The following ACAA1 variants were observed in gnomAD, a reference collection of about 807,000 sequenced individuals.
ACAA1 encodes acetyl-CoA acyltransferase 1.
A neutral mutation model predicts 48.8 loss-of-function variants in ACAA1; 44 were observed. The ratio of observed to expected loss-of-function variants is 0.90; its 90% confidence interval spans 0.71 to 1.16. The LOEUF (loss-of-function observed/expected upper bound fraction) is 1.16. ACAA1 is among the 50% of genes most tolerant of loss of function. The pLI is 0.00. For synonymous variants in ACAA1, 233 were observed against 226.5 expected, an observed-to-expected ratio of 1.03 and a Z score of -0.26; for missense variants, 512 against 562.3, an observed-to-expected ratio of 0.91 and a Z score of 0.90.
At position 38,122,833 on chromosome 3, in the gene ACAA1, TA is replaced by T; in HGVS notation, c.*213del. The T allele has an allele frequency of 1.2e-6, 1 of 826,954 alleles. No homozygotes were observed. Among genetic ancestry groups the T allele is most frequent in the Non-Finnish European group, 1.8e-6 (1 of 546,938 alleles). The allele number at this position is 826,954 out of a possible 1,614,324, so 51.2% of individuals were successfully genotyped here. A position where few individuals can be genotyped will look rare whatever the true frequency, so the allele number is the denominator to read the frequency against. ...CCAGGCTGCTTTTATCTTGCACAGC[TA>T]AAGAGGGTCTGATGGGTGGCTCAAC... On this transcript the variant is annotated 3_prime_UTR_variant, in exon 12 of 12. Coordinates refer to ENST00000333167, the MANE Select transcript of ACAA1 (RefSeq NM_001607.4).
rs1226799204 is a variant in ACAA1, at chr3:38,126,567, T to C, written c.760A>G (p.Met254Val). 6.2e-7 allele frequency: 1 copy of C among 1,614,172 alleles called. No individual in the cohort carries two copies. The highest frequency in any genetic ancestry group is 8.5e-7 in the Non-Finnish European group (1 of 1,180,030). ...QDEGIRPSTT[M>V]EGLAKLKPAF... ...GGCTTCAGTTTGGCCAGGCCCTCCA[T>C]GGTGGTGCTGGGGCGGATACCCTCA... The change falls in exon 8 of 12, where the codon ATG (methionine) becomes GTG (valine). Residue 254 changes from methionine to valine, a missense_variant. By Grantham distance (21) the Met-to-Val change is conservative. Coordinates refer to ENST00000333167, the MANE Select transcript of ACAA1 (RefSeq NM_001607.4). The surrounding 1 kb of genome is among the most constrained non-coding windows in gnomAD (Gnocchi z 4.7).
intron 2 of ACAA1, among the ~76,000 whole-genome samples, 192 bp downstream of exon 2, chr3:38,136,400 G>A (rs1478000881): frequency 6.6e-6 from 1 of 152,192 alleles, no homozygotes; most frequent in African/African-American, 2.4e-5. Context: ...TTGTCTCTGC[G>A]TCTTATTTCT....
intron 4 of ACAA1, 136 bp from the exon 5 acceptor site, chr3:38,131,774 A>G (rs2125769241): frequency 7.9e-7 from 1 of 1,273,710 alleles, no homozygotes; most frequent in Non-Finnish European, 1.1e-6. Context: ...AGTGTTCAGA[A>G]AAGGCTTTGG....
chr3:38,131,909 AC>A lies in ACAA1; in HGVS notation c.403+16del. 6.2e-7 allele frequency: 1 copy of A among 1,609,856 alleles called. No homozygotes were observed. The highest frequency in any genetic ancestry group is 8.5e-7 in the Non-Finnish European group (1 of 1,176,344). ...CCACAGGTCCAGGACCAAGGCACCC[AC>A]CCAGTCATAACTTACCTGCTATGCT... On this transcript the variant is annotated intron_variant, in intron 4 of 11. Transcript: ENST00000333167.
rs201538385 is a variant in ACAA1 at position 38,131,902 on chromosome 3, G to C, written c.403+24C>G. 37 of 1,605,670 alleles carry C rather than the reference G, an allele frequency of 2.3e-5. No homozygotes were observed. The Admixed American group carries it at 5.7e-4, about 25-fold the overall frequency. On this transcript the variant is annotated intron_variant, in intron 4 of 11. Coordinates refer to ENST00000333167, the MANE Select transcript of ACAA1 (RefSeq NM_001607.4). ...CCCAAACCCACAGGTCCAGGACCAA[G>C]GCACCCACCCAGTCATAACTTACCT...
At chr3:38,131,268 A>T (rs1438678016) in intron 5 of ACAA1, among the ~76,000 whole-genome samples, 2 of 152,242 alleles carry the variant, frequency 1.3e-5, no homozygotes, top group Non-Finnish European at 2.9e-5. Context: ...TCTCAGCAGC[A>T]TCATGAATCA....
chr3:38,131,786 C>A, intron 4 of ACAA1, 140 bp downstream of exon 4: 1 of 1,215,586 alleles, frequency 8.2e-7, no homozygotes. Context: ...AGGCTTTGGG[C>A]AGTGGTAGGG....
At chr3:38,131,875 G>C (rs1700796208) in intron 4 of ACAA1, 51 bp downstream of exon 4, 1 of 1,545,130 alleles carries the variant, frequency 6.5e-7, no homozygotes, top group South Asian at 1.1e-5. Flanking sequence ...CGACTTTGCT[G>C]ACCCAAACCC....
chr3:38,128,919 T>A (rs1700732821), intron 6 of ACAA1, among the ~76,000 whole-genome samples: 1 of 152,182 alleles, frequency 6.6e-6, no homozygotes, highest in Non-Finnish European at 1.5e-5. Context: ...TTGTTGCACC[T>A]GACAGGGCCC....
At chr3:38,127,918 A>T (rs1345582299) in intron 6 of ACAA1, 52 bp from the exon 7 acceptor site, 2 of 1,586,788 alleles carry the variant, frequency 1.3e-6, no homozygotes, top group Non-Finnish European at 1.7e-6. Context: ...GCCTAGAGGA[A>T]GGGACCAGGC....
At position 38,129,475 on chromosome 3, in the gene ACAA1, T is replaced by TC; in HGVS notation, c.447-88_447-87insG. 4 of 1,098,880 alleles carry TC rather than the reference T, an allele frequency of 3.6e-6. No homozygotes were observed. The highest frequency in any genetic ancestry group is 2.7e-6 in the Non-Finnish European group (2 of 745,944). The allele number at this position is 1,098,880 out of a possible 1,614,324, so 68.1% of individuals were successfully genotyped here. On this transcript the variant is annotated intron_variant, in intron 5 of 11. Coordinates refer to ENST00000333167, the MANE Select transcript of ACAA1 (RefSeq NM_001607.4). The surrounding 1 kb of genome is among the most constrained non-coding windows in gnomAD (Gnocchi z 5.3). ...AGATAGCTGAACACTTGGCAAGTGC[T>TC]AGGAAATAGCCAGGGAGCCCTAGGA...
In ACAA1 at chr3:38,129,505, C is replaced by A. The variant is rs28370896; in HGVS notation, c.447-117G>T. 1,346 of 773,206 alleles carry A rather than the reference C, an allele frequency of 1.7e-3. 13 individuals are homozygous for A. In the African/African-American group the frequency reaches 0.021, roughly 12 times the overall value. 47.9% of individuals were successfully genotyped at this position (773,206 alleles called of 1,614,324 possible). A position where few individuals can be genotyped will look rare whatever the true frequency, so the allele number is the denominator to read the frequency against. ...AATAGCCAGGGAGCCCTAGGAAGAC[C>A]AGTGGGCCTCTGGGAGTCACAGGCA... On this transcript the variant is annotated intron_variant, in intron 5 of 11. Transcript: ENST00000333167. The surrounding 1 kb of genome is among the most constrained non-coding windows in gnomAD (Gnocchi z 5.3).
At chr3:38,136,553 C>G in intron 2 of ACAA1, 39 bp downstream of exon 2, 1 of 1,609,918 alleles carries the variant, frequency 6.2e-7, no homozygotes, top group Non-Finnish European at 8.5e-7. Context: ...AACGGAAGAA[C>G]GGGGAAGGCC....
At position 38,137,009 on chromosome 3, in the gene ACAA1, G is replaced by A. The variant is rs531794979; in HGVS notation, c.27C>T (p.Gly9=). The change falls in exon 1 of 12, where the codon GGC becomes GGT. Residue 9 remains glycine, a synonymous_variant. Coordinates refer to ENST00000333167, the MANE Select transcript of ACAA1 (RefSeq NM_001607.4). MQRLQVVL[G]HLRGPADSGW... is the part of the protein sequence containing the mutation. ...CGGAATCGGCCGGACCCCTCAGGTG[G>A]CCCAGCACTACCTGCAGCCTCTGCA... The A allele has an allele frequency of 7.0e-6, 11 of 1,566,882 alleles. No homozygotes were observed. Among genetic ancestry groups the A allele is most frequent in the South Asian group, 2.3e-5 (2 of 85,298 alleles).
At chr3:38,136,302 T>C (rs1414405093) in intron 2 of ACAA1, among the ~76,000 whole-genome samples, 1 of 151,882 alleles carries the variant, frequency 6.6e-6, no homozygotes, top group Non-Finnish European at 1.5e-5. Flanking sequence ...ACTGCCGCAC[T>C]CCCCTTGCCG....
At chr3:38,134,402 T>C (rs1472801942) in intron 2 of ACAA1, 4 of 427,566 alleles carry the variant, frequency 9.4e-6, no homozygotes, top group Non-Finnish European at 1.9e-5. Context: ...AGGGGTGGCA[T>C]CCGCTGGATA....
chr3:38,126,057 A>G lies in ACAA1; in HGVS notation c.997+105T>C. The G allele has an allele frequency of 6.8e-7, 1 of 1,470,158 alleles. No individual in the cohort carries two copies. Among genetic ancestry groups the G allele is most frequent in the Non-Finnish European group, 9.3e-7 (1 of 1,074,352 alleles). The allele number at this position is 1,470,158 out of a possible 1,614,324, so 91.1% of individuals were successfully genotyped here. A position where few individuals can be genotyped will look rare whatever the true frequency, so the allele number is the denominator to read the frequency against. On this transcript the variant is annotated intron_variant, in intron 9 of 11. Transcript: ENST00000333167. This position sits in a 1 kb window ranked among gnomAD's most constrained non-coding sequence, Gnocchi z 4.7. ...TGGGACACTAGCCTGCCCCACCTCC[A>G]CTCTGCAGCACCCACAGGACCACCC...
chr3:38,134,421 GC>G, intron 2 of ACAA1: 1 of 450,520 alleles, frequency 2.2e-6, no homozygotes, highest in Admixed American at 2.5e-5. Flanking sequence ...TAAGACTCTT[GC>G]CATATCATAT....
chr3:38,126,868 TCA>T lies in ACAA1; in HGVS notation c.627-170_627-169del, dbSNP rs1700693658. On this transcript the variant is annotated intron_variant, in intron 7 of 11. Coordinates refer to ENST00000333167, the MANE Select transcript of ACAA1 (RefSeq NM_001607.4). This position sits in a 1 kb window ranked among gnomAD's most constrained non-coding sequence, Gnocchi z 4.7. ...TGGCTAAGGCCTTACAGGGCCTTCT[TCA>T]CCATCAGCCCCAGACCTCCAGATCG... 6.6e-6 allele frequency among the ~76,000 whole-genome samples: 1 copy of T among 152,232 alleles called. No homozygotes were observed. Among genetic ancestry groups the T allele is most frequent in the Non-Finnish European group, 1.5e-5 (1 of 68,044 alleles).
Sources: gnomAD v4.1 joint callset for allele counts (sites outside exome capture counted in the v4.1 genomes callset) on GRCh38, gnomAD v4.1.1 for gene constraint, Gnocchi (gnomAD v3.1) non-coding constraint, MANE v1.5 for transcripts, NCBI Gene and HGNC (gene_info 2026-07-23, HGNC 2026-07-21) for gene names.